CAMK1D: variants seen among roughly 807,000 people sequenced by gnomAD.
CAMK1D encodes calcium/calmodulin dependent protein kinase ID, also known as calcium/calmodulin-dependent protein kinase type 1D.
A neutral mutation model predicts 47.7 loss-of-function variants in CAMK1D; 9 were observed. The ratio of observed to expected loss-of-function variants is 0.19; its 90% CI spans 0.11 to 0.33. The LOEUF is 0.33. CAMK1D is among the 10% of genes least tolerant of loss of function. The pLI, the probability that CAMK1D is intolerant of heterozygous loss-of-function variation, is 1.00. For synonymous variants in CAMK1D, 184 were observed against 184.9 expected, an observed-to-expected ratio of 0.99 and a Z score of 0.04; for missense variants, 291 against 488.7, an observed-to-expected ratio of 0.60 and a Z score of 3.81.
At chr10:12,545,666 G>C (rs1013557949) in intron 1 of CAMK1D, among the ~76,000 whole-genome samples, 1 of 151,686 alleles carries the variant, frequency 6.6e-6, no homozygotes, top group Non-Finnish European at 1.5e-5. Flanking sequence ...TGGGCGTGGT[G>C]GCGGGCACCT....
At chr10:12,660,889 A>G (rs563309657) in intron 2 of CAMK1D, among the ~76,000 whole-genome samples, 5 of 152,352 alleles carry the variant, frequency 3.3e-5, no homozygotes, top group South Asian at 4.1e-4. Context: ...CCTCTTGGCC[A>G]TACTTTGGAA....
chr10:12,808,563 A>ATCAG (rs943353485), intron 6 of CAMK1D, among the ~76,000 whole-genome samples: 1 of 152,190 alleles, frequency 6.6e-6, no homozygotes, highest in African/African-American at 2.4e-5. Flanking sequence ...GGGTCACCTG[A>ATCAG]GGTCAGGAGT....
intron 1 of CAMK1D, among the ~76,000 whole-genome samples, chr10:12,401,561 T>G (rs1302910557): frequency 6.6e-6 from 1 of 151,050 alleles, no homozygotes. Flanking sequence ...GGGAGAAGGA[T>G]CTGTACAACA....
intron 2 of CAMK1D, among the ~76,000 whole-genome samples, chr10:12,612,452 C>T (rs1474956832): frequency 6.6e-6 from 1 of 151,224 alleles, no homozygotes; most frequent in East Asian, 1.9e-4. Flanking sequence ...AGAAATCTTC[C>T]TGCCTCAGCC....
At chr10:12,481,754 C>T (rs368725086) in intron 1 of CAMK1D, among the ~76,000 whole-genome samples, 43 of 152,152 alleles carry the variant, frequency 2.8e-4, no homozygotes, top group Non-Finnish European at 5.0e-4. Flanking sequence ...GTGATCTGCC[C>T]GCCTTGGCCT....
At chr10:12,657,427 A>AATAAATAAAT (rs1554804971) in intron 2 of CAMK1D, among the ~76,000 whole-genome samples, 1 of 146,712 alleles carries the variant, frequency 6.8e-6, no homozygotes, top group Non-Finnish European at 1.5e-5. Flanking sequence ...CTGTCTCATA[A>AATAAATAAAT]AAATAAATAA....
At chr10:12,428,581 G>A (rs1328040289) in intron 1 of CAMK1D, among the ~76,000 whole-genome samples, 1 of 151,796 alleles carries the variant, frequency 6.6e-6, no homozygotes, top group Non-Finnish European at 1.5e-5. Context: ...CTTCAACTTC[G>A]CCTCCCCACT....
intron 8 of CAMK1D, among the ~76,000 whole-genome samples, chr10:12,819,458 TCCTGGCTTCACCAC>T (rs1466899796): frequency 1.3e-5 from 2 of 152,148 alleles, no homozygotes; most frequent in Non-Finnish European, 2.9e-5. Context: ...GGCTCTTAAG[TCCTGGCTTCACCAC>T]TCACTGCCCG....
At chr10:12,612,340 T>A (rs1275378360) in intron 2 of CAMK1D, among the ~76,000 whole-genome samples, 5 of 28,588 alleles carry the variant, frequency 1.7e-4, no homozygotes, top group Non-Finnish European at 3.8e-4. Context: ...AATTAATTAC[T>A]TTTTTTTTTT....
At chr10:12,350,433 G>A (rs777660614) in intron 1 of CAMK1D, among the ~76,000 whole-genome samples, 28 of 152,244 alleles carry the variant, frequency 1.8e-4, no homozygotes, top group Non-Finnish European at 3.2e-4. Context: ...AGGATGGAAG[G>A]GAAGGGCTTC....
At chr10:12,541,784 CTG>C (rs1441052027) in intron 1 of CAMK1D, among the ~76,000 whole-genome samples, 6 of 152,248 alleles carry the variant, frequency 3.9e-5, no homozygotes, top group African/African-American at 1.2e-4. Context: ...AGGCACCTGT[CTG>C]TTTCCTAGAC....
At position 12,833,176 on chromosome 10, in the gene CAMK1D, C is replaced by T. The variant is rs951119489; in HGVS notation, c.*4289C>T. 1 of 152,304 alleles carries T rather than the reference C, an allele frequency of 6.6e-6. No homozygotes were observed. Among genetic ancestry groups the T allele is most frequent in the African/African-American group, 2.4e-5 (1 of 41,454 alleles). The allele number at this position is 152,304 out of a possible 1,614,324, so 9.4% of individuals were successfully genotyped here. ...CTGTAGTAGGATGAAAGGAATCTGG[C>T]CTAGGGAGCCCCGGACTCGGTTTAC... is the stretch of plus-strand genomic sequence containing the variant. On this transcript the variant is annotated 3_prime_UTR_variant, in exon 11 of 11. Coordinates refer to ENST00000619168, the MANE Select transcript of CAMK1D (RefSeq NM_153498.4).
chr10:12,693,615 G>A (rs1447368576), intron 3 of CAMK1D, among the ~76,000 whole-genome samples: 1 of 151,622 alleles, frequency 6.6e-6, no homozygotes, highest in Non-Finnish European at 1.5e-5. Flanking sequence ...CAGTGACAAG[G>A]GGTGAGACCC....
intron 1 of CAMK1D, among the ~76,000 whole-genome samples, chr10:12,428,805 G>A (rs931558673): frequency 1.3e-5 from 2 of 152,162 alleles, no homozygotes; most frequent in African/African-American, 4.8e-5. Context: ...AGGTCATAAA[G>A]GGGGAGCCCT....
intron 1 of CAMK1D, among the ~76,000 whole-genome samples, chr10:12,377,047 C>T (rs1838205027): frequency 6.6e-6 from 1 of 152,124 alleles, no homozygotes; most frequent in African/African-American, 2.4e-5. Context: ...AGGTGTGAGC[C>T]ACCGCACCCG....
At chr10:12,788,852 C>T (rs113319077) in intron 5 of CAMK1D, among the ~76,000 whole-genome samples, 2,179 of 152,276 alleles carry the variant, frequency 0.014, 19 homozygotes, top group African/African-American at 0.017. Flanking sequence ...ATTTTGCTGC[C>T]GCTTTGAGGG....
In CAMK1D at chr10:12,829,918, C is replaced by T. The variant is rs1392461825; in HGVS notation, c.*1031C>T. On this transcript the variant is annotated 3_prime_UTR_variant, in exon 11 of 11. Transcript: ENST00000619168. ...TCTGCACAGAGCCTTTGCTGGCAACCCATCCAGCAGAACCCACACCCACCA... is the reference window on the plus strand; with the variant it reads ...TCTGCACAGAGCCTTTGCTGGCAACTCATCCAGCAGAACCCACACCCACCA... 6.6e-6 allele frequency: 1 copy of T among 152,152 alleles called. No individual in the cohort carries two copies. Among genetic ancestry groups the T allele is most frequent in the Non-Finnish European group, 1.5e-5 (1 of 68,080 alleles). 9.4% of individuals were successfully genotyped at this position (152,152 alleles called of 1,614,324 possible).
intron 2 of CAMK1D, among the ~76,000 whole-genome samples, chr10:12,643,065 G>A (rs1225215230): frequency 2.0e-5 from 3 of 152,086 alleles, no homozygotes; most frequent in African/African-American, 4.8e-5. Context: ...GCAGTGGCGT[G>A]ATCTCAGCTC....
At chr10:12,513,459 G>A (rs1835099048) in intron 1 of CAMK1D, among the ~76,000 whole-genome samples, 1 of 152,098 alleles carries the variant, frequency 6.6e-6, no homozygotes, top group African/African-American at 2.4e-5. Flanking sequence ...GAATATGTGA[G>A]CTTCTTGAGG....
Sources: gnomAD v4.1 joint callset for allele counts (sites outside exome capture counted in the v4.1 genomes callset) on GRCh38, gnomAD v4.1.1 for gene constraint, MANE v1.5 for transcripts, NCBI Gene and HGNC (gene_info 2026-07-23, HGNC 2026-07-21) for gene names.